The following WWOX variants were observed in gnomAD, a reference collection of about 807,000 sequenced individuals.
The protein encoded by WWOX is WW domain containing oxidoreductase.
A neutral mutation model predicts 46.2 loss-of-function variants in WWOX; 69 were observed. That is an observed-to-expected ratio of 1.49 (90% CI 1.23 to 1.82). The LOEUF (loss-of-function observed/expected upper bound fraction) is 1.82. Among genes scored for constraint, WWOX ranks in the 40% most tolerant of loss-of-function variants. The probability of loss-of-function intolerance (pLI) is 0.00; values close to 1 mark genes in which losing one functional copy is unlikely to be tolerated. For missense variants in WWOX, 919 were observed against 542.6 expected (o/e 1.69, Z -6.89); for synonymous variants, 359 against 202.6 (o/e 1.77, Z -6.56).
In WWOX at chr16:78,146,214, C is replaced by T. The variant is rs149277248; in HGVS notation, c.410-17969C>T. On this transcript the variant is annotated intron_variant, in intron 4 of 8. Coordinates refer to ENST00000566780, the MANE Select transcript of WWOX (RefSeq NM_016373.4). The stretch of plus-strand genomic sequence containing the variant: ...CTTGCCTCCCAAGTGCTTAGGCTCC[C>T]GCTGCTGACAAGACCCTCTGCCTGG... 1.2e-4 allele frequency among the ~76,000 whole-genome samples: 18 copies of T among 152,180 alleles called. No homozygotes were observed. The East Asian group carries it at 2.7e-3, about 23-fold the overall frequency.
At chr16:78,311,726 T>A (rs2080248510) in intron 5 of WWOX, among the ~76,000 whole-genome samples, 2 of 152,048 alleles carry the variant, frequency 1.3e-5, no homozygotes, top group African/African-American at 4.8e-5. Flanking sequence ...TGCTTTAATA[T>A]TTTTTTGAAG....
intron 8 of WWOX, among the ~76,000 whole-genome samples, chr16:78,830,250 A>G (rs1049819635): frequency 6.6e-6 from 1 of 152,236 alleles, no homozygotes; most frequent in African/African-American, 2.4e-5. Context: ...TCTGAATGAT[A>G]TTTATATGGG....
chr16:79,165,032 T>G (rs181644339), intron 8 of WWOX, among the ~76,000 whole-genome samples: 33 of 152,294 alleles, frequency 2.2e-4, no homozygotes, highest in African/African-American at 7.9e-4. Flanking sequence ...TAACCTCTAT[T>G]TGAGGGTCTC....
chr16:78,982,111 G>T (rs987042284), intron 8 of WWOX, among the ~76,000 whole-genome samples: 2 of 152,018 alleles, frequency 1.3e-5, no homozygotes, highest in South Asian at 4.2e-4. Context: ...AAACTCCGTG[G>T]GGTTTGTATT....
At chr16:78,987,093 G>C (rs371011466) in intron 8 of WWOX, among the ~76,000 whole-genome samples, 1 of 152,142 alleles carries the variant, frequency 6.6e-6, no homozygotes, top group East Asian at 1.9e-4. Context: ...CTTTTAAGGA[G>C]AACTAACTTG....
intron 4 of WWOX, chr16:78,123,428 G>GTTTT (rs1330107026): frequency 1.8e-4 from 11 of 61,078 alleles, no homozygotes; most frequent in Admixed American, 6.9e-4. Flanking sequence ...TTTTTTCTTT[G>GTTTT]TTTTTTGTTT....
intron 8 of WWOX, among the ~76,000 whole-genome samples, chr16:78,676,029 T>G (rs1325427900): frequency 1.3e-5 from 2 of 152,076 alleles, no homozygotes; most frequent in South Asian, 2.1e-4. Context: ...GAATTTTTTT[T>G]AGCTTCTTCT....
chr16:78,476,054 A>G (rs1261898954), intron 8 of WWOX, among the ~76,000 whole-genome samples: 1 of 152,120 alleles, frequency 6.6e-6, no homozygotes, highest in Non-Finnish European at 1.5e-5. Flanking sequence ...ATCACTCCCC[A>G]GTTTGACAGG....
At chr16:78,593,649 C>T (rs1386031586) in intron 8 of WWOX, among the ~76,000 whole-genome samples, 1 of 152,056 alleles carries the variant, frequency 6.6e-6, no homozygotes, top group African/African-American at 2.4e-5. Flanking sequence ...AACTTCACCA[C>T]ACACAGCTAA....
intron 8 of WWOX, among the ~76,000 whole-genome samples, chr16:78,515,486 G>A (rs2085466193): frequency 6.6e-6 from 1 of 152,198 alleles, no homozygotes; most frequent in Non-Finnish European, 1.5e-5. Context: ...TTTGCTTGGT[G>A]TACTGGTCAT....
intron 8 of WWOX, among the ~76,000 whole-genome samples, chr16:78,568,650 A>G (rs1421805713): frequency 2.0e-5 from 3 of 151,338 alleles, no homozygotes; most frequent in African/African-American, 7.3e-5. Context: ...TGATTTTTGT[A>G]TTTTAGTAGA....
chr16:79,018,272 C>G (rs551775043), intron 8 of WWOX, among the ~76,000 whole-genome samples: 2 of 152,264 alleles, frequency 1.3e-5, no homozygotes, highest in African/African-American at 2.4e-5. Context: ...CAGCCATTTT[C>G]TGGTCATTGT....
chr16:78,699,846 T>C (rs2048175391), intron 8 of WWOX, among the ~76,000 whole-genome samples: 1 of 152,174 alleles, frequency 6.6e-6, no homozygotes, highest in African/African-American at 2.4e-5. Flanking sequence ...TATCAGGGTA[T>C]TTCTCTTTGT....
intron 5 of WWOX, among the ~76,000 whole-genome samples, chr16:78,202,287 G>A (rs2036255564): frequency 6.6e-6 from 1 of 152,202 alleles, no homozygotes. Flanking sequence ...ATGACCATGA[G>A]GCCTCTGGTA....
intron 5 of WWOX, 79 bp from the exon 6 acceptor site, chr16:78,386,781 T>G: frequency 7.9e-7 from 1 of 1,263,626 alleles, no homozygotes; most frequent in South Asian, 1.2e-5. Context: ...ACATGTTCCA[T>G]AACACATTTA....
chr16:79,067,638 G>C (rs1031513197), intron 8 of WWOX, among the ~76,000 whole-genome samples: 3 of 102,168 alleles, frequency 2.9e-5, no homozygotes, highest in Non-Finnish European at 5.8e-5. Context: ...GGTGGGGGGC[G>C]GGGGGGGGCA....
chr16:78,880,031 G>A (rs2044311320), intron 8 of WWOX, among the ~76,000 whole-genome samples: 1 of 152,164 alleles, frequency 6.6e-6, no homozygotes, highest in Non-Finnish European at 1.5e-5. Flanking sequence ...GTCAAAAGTA[G>A]ATAAAGTAAA....
intron 8 of WWOX, among the ~76,000 whole-genome samples, chr16:78,480,780 C>T (rs2084465772): frequency 6.6e-6 from 1 of 152,170 alleles, no homozygotes; most frequent in Non-Finnish European, 1.5e-5. Context: ...AACCTTTGCT[C>T]CTTGTGGACT....
At chr16:78,437,669 AAAATC>A (rs1365928117) in intron 8 of WWOX, among the ~76,000 whole-genome samples, 2 of 152,220 alleles carry the variant, frequency 1.3e-5, no homozygotes, top group Non-Finnish European at 2.9e-5. Context: ...TGGTGAAATA[AAAATC>A]ACAGATAAAC....
Sources: gnomAD v4.1 joint callset for allele counts (sites outside exome capture counted in the v4.1 genomes callset) on GRCh38, gnomAD v4.1.1 for gene constraint, MANE v1.5 for transcripts, NCBI Gene and HGNC (gene_info 2026-07-23, HGNC 2026-07-21) for gene names.